PHF14: variants seen among roughly 807,000 people sequenced by gnomAD.
PHF14 encodes the protein PHD finger protein 14.
A neutral mutation model predicts 117.9 loss-of-function variants in PHF14; 55 were observed. That is an observed-to-expected ratio of 0.47 (90% CI 0.38 to 0.58). PHF14 has a LOEUF of 0.58. PHF14 is among the 20% of genes least tolerant of loss of function. The pLI is 0.00. For synonymous variants in PHF14, 409 were observed against 368.6 expected, an observed-to-expected ratio of 1.11 and a Z score of -1.26; for missense variants, 978 against 1,122.2, an observed-to-expected ratio of 0.87 and a Z score of 1.84.
At chr7:11,100,749 C>T (rs780255124) in intron 16 of PHF14, among the ~76,000 whole-genome samples, 1 of 151,874 alleles carries the variant, frequency 6.6e-6, no homozygotes, top group African/African-American at 2.4e-5. Flanking sequence ...GAATTACTTG[C>T]CCAAGATTGT....
intron 16 of PHF14, among the ~76,000 whole-genome samples, chr7:11,067,823 AG>A (rs1214639629): frequency 2.0e-5 from 3 of 152,132 alleles, no homozygotes; most frequent in African/African-American, 7.2e-5. Context: ...AGGAATCAAG[AG>A]AGGGGGAGAT....
At chr7:11,021,751 TTCTA>T (rs1783744299) in intron 5 of PHF14, among the ~76,000 whole-genome samples, 1 of 152,174 alleles carries the variant, frequency 6.6e-6, no homozygotes, top group Admixed American at 6.5e-5. Flanking sequence ...GATTAAAACA[TTCTA>T]TCAAGAAAAT....
At chr7:11,128,518 G>A (rs1787999214) in intron 17 of PHF14, among the ~76,000 whole-genome samples, 1 of 151,610 alleles carries the variant, frequency 6.6e-6, no homozygotes, top group African/African-American at 2.4e-5. Flanking sequence ...CTTTTTCCCA[G>A]TCACTCTTTG....
intron 12 of PHF14, among the ~76,000 whole-genome samples, chr7:11,041,831 GTTAT>G (rs1482932738): frequency 6.6e-6 from 1 of 150,984 alleles, no homozygotes; most frequent in Admixed American, 6.6e-5. Context: ...CCAGGTACTG[GTTAT>G]TTATTTATTT....
chr7:11,062,107 T>A, intron 16 of PHF14, 22 bp downstream of exon 16: 1 of 1,583,778 alleles, frequency 6.3e-7, no homozygotes, highest in African/African-American at 1.4e-5. Context: ...GCTAAAACCT[T>A]GTCTTTAGGG....
intron 16 of PHF14, among the ~76,000 whole-genome samples, chr7:11,078,987 G>T (rs1297018683): frequency 2.0e-5 from 3 of 152,054 alleles, no homozygotes; most frequent in Admixed American, 1.3e-4. Flanking sequence ...ACTAATGTAT[G>T]ATATATGGTT....
chr7:11,038,854 A>G lies in PHF14; in HGVS notation c.2075A>G (p.Gln692Arg). The G allele has an allele frequency of 6.6e-7, 1 of 1,506,166 alleles. No individual in the cohort carries two copies. The highest frequency in any genetic ancestry group is 9.1e-7 in the Non-Finnish European group (1 of 1,104,070). The allele number at this position is 1,506,166 out of a possible 1,614,324, so 93.3% of individuals were successfully genotyped here. ...GCTTTACTAGGCAGAATCACAGGGCAGGTTAGTTTCTTTCCAATTGCTGTC... is the reference window on the plus strand; with the variant it reads ...GCTTTACTAGGCAGAATCACAGGGCGGGTTAGTTTCTTTCCAATTGCTGTC... ...IWALLGRITG[Q>R]KLNIPAILRA... is the part of the protein sequence containing the mutation. Residue 692 changes from glutamine (Q) to arginine (R), a missense_variant and splice_region_variant, in exon 11 of 18, where the codon CAG becomes CGG. Coordinates refer to ENST00000634607, the MANE Select transcript of PHF14 (RefSeq NM_001007157.2).
chr7:11,042,578 A>T lies in PHF14; in HGVS notation c.2181-105A>T, dbSNP rs191897600. The T allele has an allele frequency of 5.2e-4, 364 of 697,166 alleles. 2 individuals are homozygous for T. The African/African-American group carries it at 6.1e-3, about 12-fold the overall frequency. 43.2% of individuals were successfully genotyped at this position (697,166 alleles called of 1,614,324 possible). ...GTCTATCTCAACAGAAGAAATAGTA[A>T]GTTAAATCAAGATGAAATTTTGTAA... On this transcript the variant is annotated intron_variant, in intron 12 of 17. Coordinates refer to ENST00000634607, the MANE Select transcript of PHF14 (RefSeq NM_001007157.2).
At chr7:11,107,522 T>C in intron 16 of PHF14, 1 of 880,648 alleles carries the variant, frequency 1.1e-6, no homozygotes, top group Non-Finnish European at 1.4e-6. Flanking sequence ...TGCTCTATAG[T>C]GTTAATGTGT....
chr7:11,043,200 C>T (rs553481573), intron 13 of PHF14, among the ~76,000 whole-genome samples: 12 of 151,882 alleles, frequency 7.9e-5, no homozygotes, highest in African/African-American at 4.8e-5. Context: ...GAGTCAAAGG[C>T]TTTACTTCTG....
intron 17 of PHF14, among the ~76,000 whole-genome samples, chr7:11,132,186 A>G (rs1320847354): frequency 6.6e-6 from 1 of 151,486 alleles, no homozygotes; most frequent in African/African-American, 2.4e-5. Flanking sequence ...CATATTGTAT[A>G]TTTTATCTCT....
chr7:10,996,234 G>A (rs191095704), intron 4 of PHF14, among the ~76,000 whole-genome samples: 59 of 152,342 alleles, frequency 3.9e-4, no homozygotes, highest in Admixed American at 9.8e-4. Context: ...AAATATTTAG[G>A]AGACCATTGC....
intron 17 of PHF14, among the ~76,000 whole-genome samples, chr7:11,143,607 A>G (rs963604963): frequency 1.3e-5 from 2 of 152,142 alleles, no homozygotes; most frequent in Admixed American, 6.6e-5. Context: ...GTCATGACCT[A>G]CCTTCGAGAG....
At chr7:11,064,212 A>G (rs766267807) in intron 16 of PHF14, among the ~76,000 whole-genome samples, 2 of 151,924 alleles carry the variant, frequency 1.3e-5, no homozygotes, top group South Asian at 2.1e-4. Context: ...ATAAAATTTC[A>G]TATGTTTAAT....
intron 17 of PHF14, among the ~76,000 whole-genome samples, chr7:11,160,690 AT>A (rs1484980090): frequency 2.0e-5 from 3 of 151,998 alleles, no homozygotes; most frequent in Admixed American, 6.6e-5. Context: ...GCATTTTTTC[AT>A]ATGTTTGTTG....
chr7:11,162,136 T>G (rs1789062467), intron 17 of PHF14, among the ~76,000 whole-genome samples: 1 of 127,832 alleles, frequency 7.8e-6, no homozygotes. Flanking sequence ...TCTCCCAGGC[T>G]GGAGTGCAGT....
At chr7:10,985,649 T>G (rs1055035286) in intron 3 of PHF14, among the ~76,000 whole-genome samples, 4 of 125,688 alleles carry the variant, frequency 3.2e-5, no homozygotes, top group East Asian at 4.6e-4. Context: ...TTTTTTTTTT[T>G]TTTTTTTTTT....
chr7:10,984,733 T>C (rs1222213357), intron 3 of PHF14, among the ~76,000 whole-genome samples: 1 of 152,188 alleles, frequency 6.6e-6, no homozygotes, highest in Non-Finnish European at 1.5e-5. Flanking sequence ...GTGTGTAGTA[T>C]CTGTTTATTA....
chr7:10,979,475 AT>A (rs1781981297), intron 2 of PHF14, among the ~76,000 whole-genome samples: 1 of 151,078 alleles, frequency 6.6e-6, no homozygotes, highest in Admixed American at 6.6e-5. Context: ...AGAAAGGTTT[AT>A]TGTAGACTTG....
Sources: gnomAD v4.1 joint callset for allele counts (sites outside exome capture counted in the v4.1 genomes callset) on GRCh38, gnomAD v4.1.1 for gene constraint, MANE v1.5 for transcripts, NCBI Gene and HGNC (gene_info 2026-07-23, HGNC 2026-07-21) for gene names.